The following CDH13 variants were observed in gnomAD, a reference collection of about 807,000 sequenced individuals.
The protein encoded by CDH13 is cadherin 13.
A neutral mutation model predicts 63.8 loss-of-function variants in CDH13; 24 were observed. The ratio of observed to expected loss-of-function variants is 0.38; its 90% confidence interval spans 0.27 to 0.53. CDH13 has a LOEUF of 0.53. Ranked by LOEUF, CDH13 falls within the 20% of genes least tolerant of loss-of-function variation. CDH13 has a pLI of 0.85. For synonymous variants in CDH13, 503 were observed against 355.3 expected (o/e 1.42, Z -4.67); for missense variants, 1,049 against 903.1 (o/e 1.16, Z -2.07).
chr16:83,624,768 T>C (rs1306725347), intron 8 of CDH13, among the ~76,000 whole-genome samples: 1 of 152,150 alleles, frequency 6.6e-6, no homozygotes, highest in Non-Finnish European at 1.5e-5. Flanking sequence ...TGTGGTTGAC[T>C]GCACCAACGT....
intron 2 of CDH13, among the ~76,000 whole-genome samples, chr16:82,939,842 C>G (rs1714595449): frequency 6.6e-6 from 1 of 152,056 alleles, no homozygotes; most frequent in African/African-American, 2.4e-5. Context: ...ATATTTCATT[C>G]CACTATAGGT....
chr16:82,666,464 T>C (rs1181323914), intron 1 of CDH13, among the ~76,000 whole-genome samples: 1 of 152,200 alleles, frequency 6.6e-6, no homozygotes, highest in East Asian at 1.9e-4. Flanking sequence ...GACCCATACT[T>C]GAATACTTGG....
At chr16:83,787,124 A>T (rs1915938408) in intron 13 of CDH13, among the ~76,000 whole-genome samples, 1 of 152,134 alleles carries the variant, frequency 6.6e-6, no homozygotes, top group African/African-American at 2.4e-5. Flanking sequence ...CAGTTTGTAA[A>T]ACCTCCTGTA....
At chr16:83,026,421 C>T (rs555420591) in intron 2 of CDH13, among the ~76,000 whole-genome samples, 1 of 152,200 alleles carries the variant, frequency 6.6e-6, no homozygotes, top group South Asian at 2.1e-4. Context: ...TAATATGATG[C>T]TTATATATTT....
chr16:83,548,057 T>C (rs1388274891), intron 7 of CDH13, among the ~76,000 whole-genome samples: 2 of 151,886 alleles, frequency 1.3e-5, no homozygotes, highest in Admixed American at 6.6e-5. Flanking sequence ...TCTGGAATTA[T>C]CACCTGGGCT....
At chr16:82,867,833 C>T (rs935926548) in intron 2 of CDH13, among the ~76,000 whole-genome samples, 5 of 152,298 alleles carry the variant, frequency 3.3e-5, no homozygotes, top group African/African-American at 1.2e-4. Context: ...AATGGATGAA[C>T]TTTGCAGCCT....
intron 2 of CDH13, among the ~76,000 whole-genome samples, chr16:82,956,064 C>T (rs933709261): frequency 2.6e-5 from 4 of 152,122 alleles, no homozygotes; most frequent in Non-Finnish European, 2.9e-5. Flanking sequence ...ACTCAATCTC[C>T]CCACCAACCT....
Position 83,777,721 on chromosome 16 carries a change from G to A in CDH13, c.1682-2247G>A, listed in dbSNP as rs552652547. On this transcript the variant is annotated intron_variant, in intron 11 of 13. Transcript: ENST00000567109. ...TGCTTCTTTGCTAGGACTTGCCTGCGTCCTGTATGCCAACTTCAAATACTC... is the reference window on the plus strand; with the variant it reads ...TGCTTCTTTGCTAGGACTTGCCTGCATCCTGTATGCCAACTTCAAATACTC... 1.5e-4 allele frequency among the ~76,000 whole-genome samples: 23 copies of A among 152,296 alleles called. 1 individual carries two copies. In the South Asian group the frequency reaches 4.3e-3, roughly 29 times the overall value.
chr16:83,570,828 A>ATATTTATATATAT (rs1904525063), intron 7 of CDH13, among the ~76,000 whole-genome samples: 1 of 100,062 alleles, frequency 1.0e-5, no homozygotes, highest in Non-Finnish European at 2.4e-5. Context: ...AAATATAAAT[A>ATATTTATATATAT]AAAATTTATA....
At chr16:82,938,143 C>T (rs2042726333) in intron 2 of CDH13, among the ~76,000 whole-genome samples, 1 of 152,164 alleles carries the variant, frequency 6.6e-6, no homozygotes. Context: ...AAGAATGTAT[C>T]TTAAGAGCCT....
intron 1 of CDH13, among the ~76,000 whole-genome samples, chr16:82,710,391 C>A (rs951902856): frequency 1.4e-5 from 2 of 145,358 alleles, no homozygotes; most frequent in East Asian, 4.0e-4. Context: ...AAATTAGCTG[C>A]GCATGGTGGT....
chr16:83,173,713 C>T (rs1254827347), intron 4 of CDH13, among the ~76,000 whole-genome samples: 2 of 152,034 alleles, frequency 1.3e-5, no homozygotes, highest in Admixed American at 1.3e-4. Flanking sequence ...CTATAGAGAA[C>T]ACAGCCAAAG....
At chr16:83,323,165 C>G (rs538806503) in intron 5 of CDH13, among the ~76,000 whole-genome samples, 344 of 3,054 alleles carry the variant, frequency 0.11, 6 homozygotes, top group African/African-American at 0.12. Flanking sequence ...TTCTTTCTTT[C>G]TCTTTCTTTT....
rs117157982 is a variant in CDH13, at chr16:83,289,846, A to G, written c.637-55016A>G. 6.0e-4 allele frequency among the ~76,000 whole-genome samples: 92 copies of G among 152,308 alleles called. 1 individual carries two copies. In the East Asian group the frequency reaches 0.014, roughly 23 times the overall value. ...TAAATGATACGTTCTATTTTATGTA[A>G]CCATTAAAACAATTTCTTTGTGGGC... On this transcript the variant is annotated intron_variant, in intron 5 of 13. Transcript: ENST00000567109.
At position 83,795,416 on chromosome 16, in the gene CDH13, C is replaced by T. The variant is rs140428935; in HGVS notation, c.*386C>T. On this transcript the variant is annotated 3_prime_UTR_variant, in exon 14 of 14. Transcript: ENST00000567109. ...ATGAGTATCTGTATGTATATATACACGGTATTTATAGAGAGAGACTATCCT... is the reference window on the plus strand; with the variant it reads ...ATGAGTATCTGTATGTATATATACATGGTATTTATAGAGAGAGACTATCCT... 6.1e-5 allele frequency: 12 copies of T among 195,650 alleles called. No individual in the cohort carries two copies. The highest frequency in any genetic ancestry group is 2.4e-4 in the African/African-American group (10 of 42,544). The allele number at this position is 195,650 out of a possible 1,614,324, so 12.1% of individuals were successfully genotyped here.
At chr16:82,757,265 C>T (rs2034647161) in intron 1 of CDH13, among the ~76,000 whole-genome samples, 2 of 152,176 alleles carry the variant, frequency 1.3e-5, no homozygotes, top group African/African-American at 2.4e-5. Flanking sequence ...GATGTACGCA[C>T]TTTGAAGATA....
At chr16:83,184,805 A>G (rs1199060105) in intron 4 of CDH13, among the ~76,000 whole-genome samples, 1 of 152,090 alleles carries the variant, frequency 6.6e-6, no homozygotes, top group Admixed American at 6.6e-5. Flanking sequence ...GACGGTAATA[A>G]TACCTGATGC....
chr16:83,080,167 T>C (rs1024935335), intron 3 of CDH13, among the ~76,000 whole-genome samples: 1 of 152,150 alleles, frequency 6.6e-6, no homozygotes, highest in Non-Finnish European at 1.5e-5. Flanking sequence ...AAGTGTTCTT[T>C]CTCTCTCGGT....
At position 82,669,597 on chromosome 16, in the gene CDH13, T is replaced by G. The variant is rs527407013; in HGVS notation, c.45+42460T>G. Among the ~76,000 whole-genome samples the G allele has an allele frequency of 2.6e-3, 389 of 152,360 alleles. 3 individuals are homozygous for G. The highest frequency in any genetic ancestry group is 0.01 in the Middle Eastern group (3 of 294). On this transcript the variant is annotated intron_variant, in intron 1 of 13. Transcript: ENST00000567109. ...TCTCATTAAAAGCATTATAGATAAC[T>G]TATTAGACATTGTGACTAATTGTAG...
Sources: gnomAD v4.1 joint callset for allele counts (sites outside exome capture counted in the v4.1 genomes callset) on GRCh38, gnomAD v4.1.1 for gene constraint, MANE v1.5 for transcripts, NCBI Gene and HGNC (gene_info 2026-07-23, HGNC 2026-07-21) for gene names.